ESRRG: variants seen among roughly 807,000 people sequenced by gnomAD.
The protein encoded by ESRRG is estrogen-related receptor gamma.
ESRRG carries 13 observed loss-of-function variants against 44.0 expected under a neutral mutation model. The observed-to-expected ratio is 0.30, with a 90% CI of 0.19 to 0.47. The LOEUF (loss-of-function observed/expected upper bound fraction) is 0.47, where lower values mean the gene tolerates loss of function less well. Ranked by LOEUF, ESRRG falls within the 20% of genes least tolerant of loss-of-function variation. The pLI is 1.00. For synonymous variants in ESRRG, 215 were observed against 214.6 expected (o/e 1.00, Z -0.02); for missense variants, 395 against 580.6 (o/e 0.68, Z 3.29).
intron 1 of ESRRG, among the ~76,000 whole-genome samples, chr1:216,959,069 T>A (rs577414955): frequency 3.3e-5 from 5 of 152,076 alleles, no homozygotes; most frequent in Non-Finnish European, 7.4e-5. Context: ...CCTTTTGCAC[T>A]TTTATCTTCC....
Position 216,675,088 on chromosome 1 carries a change from C to T in ESRRG, c.472+1988G>A, listed in dbSNP as rs528084967. ...CTTAAAAGGGAAGGTGGGCCGGGCA[C>T]GGTGGCTCATGCCTGTAATCCCAGC... On this transcript the variant is annotated intron_variant, in intron 2 of 6. Transcript: ENST00000408911. 6.6e-5 allele frequency among the ~76,000 whole-genome samples: 10 copies of T among 151,470 alleles called. No homozygotes were observed. The East Asian group carries it at 1.4e-3, about 21-fold the overall frequency.
At chr1:216,879,769 C>T (rs1263083804) in intron 2 of ESRRG, among the ~76,000 whole-genome samples, 1 of 152,132 alleles carries the variant, frequency 6.6e-6, no homozygotes, top group Non-Finnish European at 1.5e-5. Flanking sequence ...CAGCAGTCTT[C>T]CCTCTTTTAA....
At chr1:216,552,519 T>C (rs1389015228) in intron 5 of ESRRG, among the ~76,000 whole-genome samples, 1 of 152,186 alleles carries the variant, frequency 6.6e-6, no homozygotes, top group Non-Finnish European at 1.5e-5. Flanking sequence ...AAGATTAGAC[T>C]GGGCACTTGG....
intron 5 of ESRRG, among the ~76,000 whole-genome samples, chr1:216,553,624 A>C (rs190403759): frequency 0.044 from 6,749 of 152,184 alleles, 455 homozygotes; most frequent in African/African-American, 0.15. Context: ...TTGCTCTCAG[A>C]ATTATCATGG....
intron 1 of ESRRG, among the ~76,000 whole-genome samples, chr1:217,020,816 G>A (rs1290640917): frequency 6.6e-6 from 1 of 152,066 alleles, no homozygotes; most frequent in Non-Finnish European, 1.5e-5. Flanking sequence ...TTGTTGTGCT[G>A]AAAACAAATG....
rs117612803 is a variant in ESRRG at position 216,927,093 on chromosome 1, C to T, written c.-14+12489G>A. The stretch of plus-strand genomic sequence containing the variant: ...CTTCTTTTTAATTCTGAAAGCAATC[C>T]GAACCATAACTCAAGAGTTCTGCCG... On this transcript the variant is annotated intron_variant, in intron 2 of 7. Coordinates refer to the ESRRG transcript ENST00000359162. Among the ~76,000 whole-genome samples, 281 of 152,192 alleles carry T rather than the reference C, an allele frequency of 1.8e-3. 7 individuals are homozygous for T. In the East Asian group the frequency reaches 0.04, roughly 22 times the overall value.
intron 2 of ESRRG, among the ~76,000 whole-genome samples, chr1:216,835,607 C>A (rs957212710): frequency 2.0e-5 from 3 of 152,106 alleles, no homozygotes; most frequent in Non-Finnish European, 4.4e-5. Context: ...CTTTAACAAC[C>A]GGAAAGGTTG....
chr1:216,842,216 A>C (rs2095664446), intron 2 of ESRRG, among the ~76,000 whole-genome samples: 1 of 152,184 alleles, frequency 6.6e-6, no homozygotes, highest in Admixed American at 6.6e-5. Flanking sequence ...GTTCTATATG[A>C]AGTTCTTAAC....
intron 6 of ESRRG, among the ~76,000 whole-genome samples, chr1:216,512,220 C>T (rs2042925281): frequency 6.6e-6 from 1 of 152,248 alleles, no homozygotes; most frequent in East Asian, 1.9e-4. Context: ...CAATACATCA[C>T]TTATAGGTGC....
At chr1:216,650,945 C>A in intron 3 of ESRRG, 28 bp downstream of exon 3, 1 of 1,444,342 alleles carries the variant, frequency 6.9e-7, no homozygotes, top group Non-Finnish European at 9.8e-7. Context: ...AAAATCAAAA[C>A]CTCAGGGGCA....
intron 2 of ESRRG, among the ~76,000 whole-genome samples, chr1:216,777,364 C>T (rs761612827): frequency 2.0e-5 from 3 of 152,070 alleles, no homozygotes; most frequent in Admixed American, 6.6e-5. Context: ...TGTCAGCCAG[C>T]GCAACACGAA....
intron 2 of ESRRG, among the ~76,000 whole-genome samples, chr1:216,885,168 T>C (rs2096497173): frequency 6.7e-6 from 1 of 150,058 alleles, no homozygotes. Flanking sequence ...GAGAGAGATG[T>C]TTGATTCATT....
At chr1:216,605,195 T>G (rs935203388) in intron 3 of ESRRG, among the ~76,000 whole-genome samples, 2 of 152,206 alleles carry the variant, frequency 1.3e-5, no homozygotes, top group Admixed American at 6.5e-5. Flanking sequence ...CAGTGTTATA[T>G]GAAAATAGTA....
At chr1:217,002,737 G>A (rs988661509) in intron 1 of ESRRG, among the ~76,000 whole-genome samples, 2 of 152,060 alleles carry the variant, frequency 1.3e-5, no homozygotes, top group Admixed American at 6.6e-5. Flanking sequence ...ATAAGGAGAG[G>A]GACACATGGA....
chr1:216,717,646 TG>T (rs1432610355), intron 1 of ESRRG, among the ~76,000 whole-genome samples: 1 of 151,796 alleles, frequency 6.6e-6, no homozygotes. Context: ...AAAAAGCAAT[TG>T]CATAAGTGCT....
chr1:216,818,814 TC>T (rs2095222712), intron 2 of ESRRG, among the ~76,000 whole-genome samples: 1 of 152,102 alleles, frequency 6.6e-6, no homozygotes. Context: ...CCCCGATGTG[TC>T]CATGTGTTCT....
intron 1 of ESRRG, among the ~76,000 whole-genome samples, chr1:216,702,478 G>A (rs1175164945): frequency 1.3e-5 from 2 of 151,780 alleles, no homozygotes; most frequent in African/African-American, 2.4e-5. Flanking sequence ...GATATTACAG[G>A]CAAGCCAGGT....
intron 5 of ESRRG, among the ~76,000 whole-genome samples, chr1:216,541,228 T>A (rs918695163): frequency 6.6e-6 from 1 of 152,048 alleles, no homozygotes; most frequent in Non-Finnish European, 1.5e-5. Flanking sequence ...CTGATTATGA[T>A]CTTTTTCATG....
At chr1:216,626,238 G>A (rs189382326) in intron 3 of ESRRG, among the ~76,000 whole-genome samples, 17 of 152,092 alleles carry the variant, frequency 1.1e-4, no homozygotes, top group Non-Finnish European at 1.9e-4. Context: ...GCAATACCAC[G>A]TTCTCTTGGG....
Sources: allele counts gnomAD v4.1 joint callset (sites outside exome capture counted in the v4.1 genomes callset), GRCh38; gene constraint gnomAD v4.1.1; transcripts MANE v1.5; gene names NCBI Gene and HGNC (gene_info 2026-07-23, HGNC 2026-07-21).